The following PCCB variants were observed in gnomAD, a reference collection of about 807,000 sequenced individuals.
The protein encoded by PCCB is propionyl-CoA carboxylase subunit beta.
PCCB carries 43 observed loss-of-function variants against 60.7 expected under a neutral mutation model. The ratio of observed to expected loss-of-function variants is 0.71; its 90% CI spans 0.55 to 0.91. PCCB has a LOEUF of 0.91. Ranked by LOEUF, PCCB falls within the 40% of genes least tolerant of loss-of-function variation. The probability of loss-of-function intolerance (pLI) is 0.00; values close to 1 mark genes in which losing one functional copy is unlikely to be tolerated. For missense variants in PCCB, 766 were observed against 702.8 expected (o/e 1.09, Z -1.02); for synonymous variants, 276 against 255.9 (o/e 1.08, Z -0.75).
At chr3:136,311,929 A>C (rs1934684786) in intron 9 of PCCB, among the ~76,000 whole-genome samples, 1 of 152,232 alleles carries the variant, frequency 6.6e-6, no homozygotes, top group Non-Finnish European at 1.5e-5. Flanking sequence ...AGTTTTTAAA[A>C]ACTAGAACTA....
At chr3:136,293,122 C>T (rs549490434) in intron 6 of PCCB, among the ~76,000 whole-genome samples, 2 of 152,304 alleles carry the variant, frequency 1.3e-5, no homozygotes, top group South Asian at 2.1e-4. Context: ...CCGCCTCACT[C>T]TCCTGAATAG....
chr3:136,275,835 A>G (rs1032649121), intron 5 of PCCB, among the ~76,000 whole-genome samples: 4 of 152,218 alleles, frequency 2.6e-5, no homozygotes, highest in South Asian at 2.1e-4. Flanking sequence ...CAGTGGCACA[A>G]TCTTGGCTCA....
intron 7 of PCCB, among the ~76,000 whole-genome samples, chr3:136,294,419 C>T (rs986103855): frequency 6.6e-6 from 1 of 150,700 alleles, no homozygotes; most frequent in Admixed American, 6.6e-5. Flanking sequence ...TCAAGCAATC[C>T]TCCCACCACA....
chr3:136,302,840 T>C (rs1316698436), intron 9 of PCCB, among the ~76,000 whole-genome samples: 2 of 121,080 alleles, frequency 1.7e-5, no homozygotes, highest in African/African-American at 5.0e-5. Flanking sequence ...TCCCAATGCT[T>C]TGGGAGGCTA....
intron 5 of PCCB, among the ~76,000 whole-genome samples, chr3:136,282,747 C>T (rs1227375633): frequency 6.6e-6 from 1 of 152,128 alleles, no homozygotes; most frequent in Admixed American, 6.5e-5. Flanking sequence ...TTAATTGGTT[C>T]TTGTGGATTT....
intron 14 of PCCB, 96 bp from the exon 15 acceptor site, chr3:136,329,809 C>T: frequency 4.4e-6 from 6 of 1,365,482 alleles, no homozygotes; most frequent in Non-Finnish European, 6.3e-6. Flanking sequence ...GCTTATACTG[C>T]TGGCCCCAGG....
At chr3:136,279,020 A>G (rs775519146) in intron 5 of PCCB, among the ~76,000 whole-genome samples, 6 of 152,072 alleles carry the variant, frequency 3.9e-5, no homozygotes, top group Non-Finnish European at 8.8e-5. Flanking sequence ...TTTAACTGGT[A>G]TATTTTCTAG....
intron 5 of PCCB, among the ~76,000 whole-genome samples, chr3:136,267,216 T>C (rs1016441950): frequency 1.3e-5 from 2 of 152,194 alleles, no homozygotes; most frequent in Non-Finnish European, 2.9e-5. Flanking sequence ...AGACAGGGTC[T>C]TGCTCTGTTG....
chr3:136,262,230 G>T (rs1474112398), intron 5 of PCCB, among the ~76,000 whole-genome samples, 165 bp downstream of exon 5: 1 of 152,186 alleles, frequency 6.6e-6, no homozygotes, highest in African/African-American at 2.4e-5. Flanking sequence ...TAGATGAAAA[G>T]CAAGAGAGAG....
intron 9 of PCCB, among the ~76,000 whole-genome samples, chr3:136,314,031 G>GAC (rs1191995854): frequency 7.0e-6 from 1 of 142,602 alleles, no homozygotes; most frequent in Non-Finnish European, 1.6e-5. Context: ...TTTAGAAGGA[G>GAC]TCACACACAC....
chr3:136,326,908 C>T lies in PCCB; in HGVS notation c.1196C>T (p.Pro399Leu), dbSNP rs753037539. 4 of 1,598,668 alleles carry T rather than the reference C, an allele frequency of 2.5e-6. No individual in the cohort carries two copies. Among genetic ancestry groups the T allele is most frequent in the Non-Finnish European group, 3.4e-6 (4 of 1,165,904 alleles). Residue 399 changes from proline (P) to leucine (L), a missense_variant and splice_region_variant, in exon 11 of 15, where the codon CCT becomes CTT. Transcript: ENST00000251654. Reference protein sequence around the residue: ...ITFVDVPGFLPGTAQEYGGII... With the variant: ...ITFVDVPGFLLGTAQEYGGII... ...TTTGTTGATGTCCCTGGCTTTCTAC[C>T]TGGTAAGTTTTTGACAGAGTGGGGG...
intron 9 of PCCB, among the ~76,000 whole-genome samples, chr3:136,312,840 C>G (rs1934722059): frequency 1.3e-5 from 2 of 152,122 alleles, no homozygotes; most frequent in Admixed American, 1.3e-4. Context: ...AGAAGAAACT[C>G]TTGGCAGCAT....
At position 136,278,665 on chromosome 3, in the gene PCCB, T is replaced by C. The variant is rs538966142; in HGVS notation, c.544-5172T>C. ...CCATTGTGATCAGAAAAGATGTTTTTTATGATTCCAATCATTTTAAATTTA... is the reference window on the plus strand; with the variant it reads ...CCATTGTGATCAGAAAAGATGTTTTCTATGATTCCAATCATTTTAAATTTA... On this transcript the variant is annotated intron_variant, in intron 5 of 14. Coordinates refer to ENST00000251654, the MANE Select transcript of PCCB (RefSeq NM_000532.5). Among the ~76,000 whole-genome samples, 140 of 152,372 alleles carry C rather than the reference T, an allele frequency of 9.2e-4. 2 individuals are homozygous for C. The highest frequency in any genetic ancestry group is 1.8e-3 in the Non-Finnish European group (121 of 68,036).
chr3:136,269,310 T>C (rs920920419), intron 5 of PCCB, among the ~76,000 whole-genome samples: 30 of 152,192 alleles, frequency 2.0e-4, no homozygotes, highest in African/African-American at 7.2e-4. Context: ...AATGGAATTA[T>C]CTTGTTAATT....
chr3:136,274,327 T>TTCCC (rs1942284499), intron 5 of PCCB, among the ~76,000 whole-genome samples: 1 of 152,176 alleles, frequency 6.6e-6, no homozygotes, highest in Non-Finnish European at 1.5e-5. Flanking sequence ...TAGTGGCAGA[T>TTCCC]TCCCTCGGCA....
chr3:136,300,689 C>T (rs982595436), intron 8 of PCCB, among the ~76,000 whole-genome samples: 2 of 152,188 alleles, frequency 1.3e-5, no homozygotes, highest in African/African-American at 4.8e-5. Flanking sequence ...TCTCCCAGGG[C>T]TGTGTCTTGT....
intron 5 of PCCB, among the ~76,000 whole-genome samples, chr3:136,273,590 C>CTTTTTTTTTTT (rs1942257481): frequency 2.0e-4 from 13 of 65,620 alleles, no homozygotes; most frequent in African/African-American, 2.4e-4. Flanking sequence ...TTTTTTTTTT[C>CTTTTTTTTTTT]TTTTTTCTTT....
chr3:136,327,102 A>C (rs760967755), intron 11 of PCCB, 53 bp from the exon 12 acceptor site: 236 of 1,510,802 alleles, frequency 1.6e-4, no homozygotes, highest in Middle Eastern at 5.1e-4. Flanking sequence ...TGAGAGTGGC[A>C]GGATAACCAT....
chr3:136,252,235 G>A, intron 1 of PCCB: 2 of 454,366 alleles, frequency 4.4e-6, no homozygotes, highest in Non-Finnish European at 8.8e-6. Context: ...TCCCAGAAGA[G>A]GAATTAGTGG....
Sources: allele counts gnomAD v4.1 joint callset (sites outside exome capture counted in the v4.1 genomes callset), GRCh38; gene constraint gnomAD v4.1.1; transcripts MANE v1.5; gene names NCBI Gene and HGNC (gene_info 2026-07-23, HGNC 2026-07-21).